Variants in ARHGAP10 observed in about 807,000 individuals in gnomAD.
The protein encoded by ARHGAP10 is rho GTPase-activating protein 10.
In ARHGAP10, 87 loss-of-function variants were observed where a neutral mutation model predicts 108.6. The ratio of observed to expected loss-of-function variants is 0.80; its 90% confidence interval spans 0.67 to 0.96. The LOEUF (loss-of-function observed/expected upper bound fraction) is 0.96, where lower values mean the gene tolerates loss of function less well. Ranked by LOEUF, ARHGAP10 falls within the 40% of genes least tolerant of loss-of-function variation. The probability of loss-of-function intolerance (pLI) is 0.00; values close to 1 mark genes in which losing one functional copy is unlikely to be tolerated. For synonymous variants in ARHGAP10, 347 were observed against 341.1 expected, an observed-to-expected ratio of 1.02 and a Z score of -0.19; for missense variants, 939 against 954.5, an observed-to-expected ratio of 0.98 and a Z score of 0.21.
chr4:147,868,909 G>C (rs1024419023), intron 7 of ARHGAP10, among the ~76,000 whole-genome samples: 1 of 152,110 alleles, frequency 6.6e-6, no homozygotes, highest in African/African-American at 2.4e-5. Context: ...CCATGGACCG[G>C]TACCTGTCGG....
At chr4:147,870,975 T>TGTGTGTGTGTGTG (rs1734795900) in intron 7 of ARHGAP10, among the ~76,000 whole-genome samples, 1 of 130,944 alleles carries the variant, frequency 7.6e-6, no homozygotes, top group Non-Finnish European at 1.7e-5. Flanking sequence ...TGTGTGTGTG[T>TGTGTGTGTGTGTG]TTGAGATGGA....
chr4:147,787,724 G>A (rs924877795), intron 1 of ARHGAP10, among the ~76,000 whole-genome samples: 1 of 152,082 alleles, frequency 6.6e-6, no homozygotes, highest in African/African-American at 2.4e-5. Context: ...CATTTCACCT[G>A]GCCACCTGGT....
chr4:147,815,356 G>A (rs1432552132), intron 1 of ARHGAP10, among the ~76,000 whole-genome samples: 3 of 152,166 alleles, frequency 2.0e-5, no homozygotes, highest in Non-Finnish European at 4.4e-5. Context: ...AGCCAGAATG[G>A]TGGCCCTCCA....
At chr4:147,845,561 A>G (rs1733598151) in intron 3 of ARHGAP10, among the ~76,000 whole-genome samples, 1 of 152,202 alleles carries the variant, frequency 6.6e-6, no homozygotes, top group Non-Finnish European at 1.5e-5. Flanking sequence ...CCAGACCTAC[A>G]TGACTTGGAA....
intron 10 of ARHGAP10, among the ~76,000 whole-genome samples, chr4:147,898,653 C>T (rs1736095518): frequency 6.6e-6 from 1 of 151,972 alleles, no homozygotes; most frequent in South Asian, 2.1e-4. Context: ...ATTTCAGATT[C>T]TCTGTTTCAC....
At chr4:148,021,464 T>G (rs2149662395) in intron 18 of ARHGAP10, among the ~76,000 whole-genome samples, 1 of 152,332 alleles carries the variant, frequency 6.6e-6, no homozygotes, top group Non-Finnish European at 1.5e-5. Context: ...GTGTGTATGG[T>G]TTGGTTTTCT....
chr4:148,012,373 G>A (rs1398376941), intron 18 of ARHGAP10, among the ~76,000 whole-genome samples: 3 of 152,122 alleles, frequency 2.0e-5, no homozygotes, highest in Non-Finnish European at 2.9e-5. Flanking sequence ...GTGCAGGAGC[G>A]AGGTAAAGAT....
At chr4:147,789,540 C>T (rs2126744185) in intron 1 of ARHGAP10, among the ~76,000 whole-genome samples, 1 of 152,310 alleles carries the variant, frequency 6.6e-6, no homozygotes, top group Non-Finnish European at 1.5e-5. Flanking sequence ...TCCCAAAGTG[C>T]TGATTACAGG....
At chr4:147,866,625 G>A (rs1734574299) in intron 6 of ARHGAP10, 87 bp from the exon 7 acceptor site, 2 of 902,724 alleles carry the variant, frequency 2.2e-6, no homozygotes, top group Admixed American at 2.2e-5. Flanking sequence ...ACAGTGAGAT[G>A]GCGGGGGGAA....
chr4:148,049,795 GT>G (rs150272022), intron 20 of ARHGAP10, among the ~76,000 whole-genome samples: 2 of 132,532 alleles, frequency 1.5e-5, no homozygotes, highest in South Asian at 2.4e-4. Flanking sequence ...TCATAAAATT[GT>G]TTTTTTTGTT....
chr4:147,906,194 A>C (rs1338145155), intron 10 of ARHGAP10, among the ~76,000 whole-genome samples: 16 of 152,204 alleles, frequency 1.1e-4, no homozygotes, highest in Admixed American at 9.8e-4. Flanking sequence ...TATATACCTG[A>C]AAGAATTGAA....
intron 18 of ARHGAP10, among the ~76,000 whole-genome samples, chr4:148,003,407 G>A (rs867136232): frequency 3.3e-5 from 5 of 152,326 alleles, no homozygotes; most frequent in Middle Eastern, 3.4e-3. Flanking sequence ...TTGGGTTGGA[G>A]AGTTCTGTGG....
At chr4:147,764,786 C>T (rs532594157) in intron 1 of ARHGAP10, among the ~76,000 whole-genome samples, 2 of 152,284 alleles carry the variant, frequency 1.3e-5, no homozygotes, top group Non-Finnish European at 2.9e-5. Context: ...CCACGTGCCT[C>T]GGCCTCCCAA....
intron 1 of ARHGAP10, among the ~76,000 whole-genome samples, chr4:147,762,955 A>G (rs556748968): frequency 6.6e-5 from 10 of 152,270 alleles, no homozygotes; most frequent in African/African-American, 2.4e-4. Context: ...GAAGGATAAC[A>G]AAAGACTTTT....
intron 18 of ARHGAP10, among the ~76,000 whole-genome samples, chr4:148,007,863 T>TG (rs772038377): frequency 6.6e-6 from 1 of 152,198 alleles, no homozygotes; most frequent in African/African-American, 2.4e-5. Context: ...TTCCTTCAGT[T>TG]GCATGACTTA....
intron 1 of ARHGAP10, among the ~76,000 whole-genome samples, chr4:147,793,005 A>G (rs113890335): frequency 6.6e-6 from 1 of 151,970 alleles, no homozygotes; most frequent in East Asian, 1.9e-4. Flanking sequence ...GGGTGTGGTG[A>G]TGCATGCCTG....
chr4:148,065,662 TA>T (rs1344004502), intron 22 of ARHGAP10: 1 of 152,170 alleles, frequency 6.6e-6, no homozygotes, highest in Non-Finnish European at 1.5e-5. Flanking sequence ...GGTGCGATGG[TA>T]GTATTGAAAC....
At chr4:147,911,576 A>G (rs1052259381) in intron 12 of ARHGAP10, among the ~76,000 whole-genome samples, 6 of 152,088 alleles carry the variant, frequency 3.9e-5, no homozygotes, top group African/African-American at 1.4e-4. Flanking sequence ...GTTAGCCAGG[A>G]TGGTCTTGAT....
At chr4:147,926,262 G>A (rs1362788256) in intron 13 of ARHGAP10, among the ~76,000 whole-genome samples, 1 of 152,140 alleles carries the variant, frequency 6.6e-6, no homozygotes, top group Non-Finnish European at 1.5e-5. Flanking sequence ...GAATAGAATG[G>A]GGGTAAGATG....
Sources: allele counts gnomAD v4.1 joint callset (sites outside exome capture counted in the v4.1 genomes callset), GRCh38; gene constraint gnomAD v4.1.1; transcripts MANE v1.5; gene names NCBI Gene and HGNC (gene_info 2026-07-23, HGNC 2026-07-21).